Variants in STAG1 observed in about 807,000 individuals in gnomAD.
The protein encoded by STAG1 is STAG1 cohesin complex component.
A neutral mutation model predicts 170.9 loss-of-function variants in STAG1; 26 were observed. The observed-to-expected ratio is 0.15, with a 90% CI of 0.11 to 0.21. The LOEUF (loss-of-function observed/expected upper bound fraction) is 0.21. Ranked by LOEUF, STAG1 falls within the 10% of genes least tolerant of loss-of-function variation. The pLI is 1.00. For synonymous variants in STAG1, 514 were observed against 497.7 expected (o/e 1.03, Z -0.44); for missense variants, 964 against 1,509.5 (o/e 0.64, Z 5.99).
intron 16 of STAG1, among the ~76,000 whole-genome samples, chr3:136,431,289 T>C (rs1010673242): frequency 2.0e-5 from 3 of 152,094 alleles, no homozygotes; most frequent in Non-Finnish European, 2.9e-5. Context: ...TTCTTTTTTT[T>C]TGAGTCACAG....
chr3:136,567,965 T>C (rs1319963903), intron 5 of STAG1, among the ~76,000 whole-genome samples: 4 of 152,010 alleles, frequency 2.6e-5, no homozygotes, highest in Non-Finnish European at 4.4e-5. Flanking sequence ...TTAACACTTT[T>C]TACGGCAGAG....
At chr3:136,563,704 A>G (rs2107755053) in intron 5 of STAG1, among the ~76,000 whole-genome samples, 1 of 151,816 alleles carries the variant, frequency 6.6e-6, no homozygotes, top group East Asian at 1.9e-4. Flanking sequence ...TTATTCTGCA[A>G]TTTGTATTTT....
intron 4 of STAG1, among the ~76,000 whole-genome samples, chr3:136,587,855 G>T (rs76748387): frequency 6.6e-6 from 1 of 152,064 alleles, no homozygotes; most frequent in Non-Finnish European, 1.5e-5. Flanking sequence ...CCTGCTCCTC[G>T]CAAGGCTGAG....
At chr3:136,432,658 C>T (rs2088342632) in intron 16 of STAG1, among the ~76,000 whole-genome samples, 2 of 152,090 alleles carry the variant, frequency 1.3e-5, no homozygotes, top group Admixed American at 6.6e-5. Flanking sequence ...AGGTGCATGC[C>T]ACCCTGCCCA....
intron 1 of STAG1, among the ~76,000 whole-genome samples, chr3:136,646,899 G>A (rs761171046): frequency 6.6e-5 from 10 of 151,942 alleles, no homozygotes; most frequent in Non-Finnish European, 1.3e-4. Flanking sequence ...GCAACAGAGC[G>A]AGACTCCATC....
chr3:136,424,919 A>C (rs1176086193), intron 16 of STAG1, among the ~76,000 whole-genome samples: 2 of 151,932 alleles, frequency 1.3e-5, no homozygotes, highest in Non-Finnish European at 2.9e-5. Context: ...GGCTCACCGC[A>C]ACCTCTGACT....
intron 14 of STAG1, among the ~76,000 whole-genome samples, chr3:136,443,714 C>T (rs2088696935): frequency 6.6e-6 from 1 of 152,160 alleles, no homozygotes; most frequent in African/African-American, 2.4e-5. Context: ...GGATCTAGGT[C>T]ACTTTTCCCT....
At chr3:136,638,212 C>T (rs897100570) in intron 1 of STAG1, among the ~76,000 whole-genome samples, 8 of 151,732 alleles carry the variant, frequency 5.3e-5, no homozygotes, top group African/African-American at 1.9e-4. Flanking sequence ...CAGCTCACTG[C>T]AATCTCCGCC....
chr3:136,525,554 A>T (rs1934967854), intron 6 of STAG1, among the ~76,000 whole-genome samples: 1 of 151,940 alleles, frequency 6.6e-6, no homozygotes, highest in Non-Finnish European at 1.5e-5. Flanking sequence ...CAGCTCCTAG[A>T]TTCATTAATT....
intron 6 of STAG1, among the ~76,000 whole-genome samples, chr3:136,533,306 G>C (rs1415271302): frequency 6.6e-6 from 1 of 151,914 alleles, no homozygotes; most frequent in African/African-American, 2.4e-5. Context: ...CAAGAATATT[G>C]GTAAAATGTT....
intron 27 of STAG1, 152 bp from the exon 28 acceptor site, chr3:136,358,000 G>C: frequency 1.7e-6 from 1 of 597,222 alleles, no homozygotes; most frequent in Non-Finnish European, 2.8e-6. Context: ...TGAATATATA[G>C]GACATATTTG....
At chr3:136,528,162 A>C (rs902350494) in intron 6 of STAG1, among the ~76,000 whole-genome samples, 13 of 152,262 alleles carry the variant, frequency 8.5e-5, no homozygotes, top group African/African-American at 2.9e-4. Flanking sequence ...CGTTTTGTTC[A>C]GCTATGCCCT....
intron 6 of STAG1, among the ~76,000 whole-genome samples, chr3:136,533,210 T>C (rs28811905): frequency 0.18 from 26,892 of 151,610 alleles, 2,913 homozygotes; most frequent in Non-Finnish European, 0.24. Context: ...AAGTGAAGGA[T>C]CTCTATAAGG....
chr3:136,477,086 C>T (rs950081723), intron 10 of STAG1, among the ~76,000 whole-genome samples: 1 of 152,058 alleles, frequency 6.6e-6, no homozygotes, highest in Non-Finnish European at 1.5e-5. Flanking sequence ...AATATTGTAA[C>T]TAAACAAGAT....
At chr3:136,739,153 G>C (rs1055499163) in intron 1 of STAG1, among the ~76,000 whole-genome samples, 3 of 152,138 alleles carry the variant, frequency 2.0e-5, no homozygotes, top group African/African-American at 7.2e-5. Context: ...ACTGGGTTCT[G>C]AAACAGCCTA....
chr3:136,361,964 C>T (rs1322128343), intron 26 of STAG1, among the ~76,000 whole-genome samples: 1 of 151,076 alleles, frequency 6.6e-6, no homozygotes, highest in Non-Finnish European at 1.5e-5. Context: ...TCTTTTCTTT[C>T]TTTTTTTTGA....
intron 3 of STAG1, among the ~76,000 whole-genome samples, chr3:136,608,448 T>C (rs1242655819): frequency 1.4e-5 from 2 of 144,046 alleles, no homozygotes; most frequent in African/African-American, 2.6e-5. Flanking sequence ...GGATAATCGA[T>C]TGAGCCGGGG....
intron 32 of STAG1, among the ~76,000 whole-genome samples, chr3:136,339,114 AGAG>A (rs1439274663): frequency 1.3e-5 from 2 of 152,132 alleles, no homozygotes; most frequent in South Asian, 2.1e-4. Flanking sequence ...CCTGATAAGA[AGAG>A]GAGAGACACA....
intron 1 of STAG1, among the ~76,000 whole-genome samples, chr3:136,659,111 G>A (rs1246000862): frequency 6.6e-6 from 1 of 152,176 alleles, no homozygotes; most frequent in Non-Finnish European, 1.5e-5. Context: ...TAACTCCTCT[G>A]AGACAGGTAC....
Sources: gnomAD v4.1 joint callset for allele counts (sites outside exome capture counted in the v4.1 genomes callset) on GRCh38, gnomAD v4.1.1 for gene constraint, MANE v1.5 for transcripts, NCBI Gene and HGNC (gene_info 2026-07-23, HGNC 2026-07-21) for gene names.